The following DLC1 variants were observed in gnomAD, a reference collection of about 807,000 sequenced individuals.
DLC1 encodes rho GTPase-activating protein 7.
Under a neutral mutation model 140.3 loss-of-function variants are expected in DLC1, and 54 were observed. That is an observed-to-expected ratio of 0.38 (90% CI 0.31 to 0.48). DLC1 has a LOEUF of 0.48. DLC1 is among the 20% of genes least tolerant of loss of function. DLC1 has a pLI of 0.96. For synonymous variants in DLC1, 986 were observed against 728.1 expected (o/e 1.35, Z -5.70); for missense variants, 2,536 against 1,907.0 (o/e 1.33, Z -6.14).
chr8:13,388,955 G>A (rs1033859337), intron 4 of DLC1, among the ~76,000 whole-genome samples: 5 of 151,944 alleles, frequency 3.3e-5, no homozygotes, highest in Admixed American at 2.6e-4. Context: ...AACAGCTCAA[G>A]CCAATTTATA....
chr8:13,362,788 C>T (rs1375363655), intron 4 of DLC1, among the ~76,000 whole-genome samples: 1 of 152,166 alleles, frequency 6.6e-6, no homozygotes, highest in African/African-American at 2.4e-5. Context: ...ACTGTCTTTC[C>T]TGTCTCAGGG....
intron 4 of DLC1, among the ~76,000 whole-genome samples, chr8:13,380,787 C>A (rs570532532): frequency 2.3e-4 from 35 of 152,256 alleles, no homozygotes; most frequent in African/African-American, 7.9e-4. Flanking sequence ...GTGAGATAGA[C>A]CAAGCTGCAG....
rs548822992 is a variant in DLC1, at chr8:13,357,740, T to C, written c.1314+35813A>G. Reference sequence around the variant, plus strand: ...CTTGAGAATTACAGTAGTTGAGATATGTTTGCAATAGATATGTTGAACTCT... The same window carrying C: ...CTTGAGAATTACAGTAGTTGAGATACGTTTGCAATAGATATGTTGAACTCT... On this transcript the variant is annotated intron_variant, in intron 4 of 17. Coordinates refer to ENST00000276297, the MANE Select transcript of DLC1 (RefSeq NM_182643.3). 3.9e-4 allele frequency among the ~76,000 whole-genome samples: 59 copies of C among 152,338 alleles called. 1 individual carries two copies. In the South Asian group the frequency reaches 0.011, roughly 29 times the overall value.
chr8:13,096,057 T>C (rs1818475537), intron 10 of DLC1: 1 of 152,194 alleles, frequency 6.6e-6, no homozygotes, highest in Non-Finnish European at 1.5e-5. Context: ...ATGTCATGCA[T>C]TTCAGGCTGT....
intron 1 of DLC1, among the ~76,000 whole-genome samples, chr8:13,601,587 A>G (rs939130606): frequency 4.0e-5 from 6 of 150,882 alleles, no homozygotes; most frequent in Non-Finnish European, 7.4e-5. Flanking sequence ...AAGCTGGGAT[A>G]TGAGATGGTA....
At chr8:13,114,622 T>A (rs1015534689) in intron 6 of DLC1, among the ~76,000 whole-genome samples, 6 of 152,006 alleles carry the variant, frequency 3.9e-5, no homozygotes, top group African/African-American at 1.5e-4. Flanking sequence ...AAATGCCTAA[T>A]TACAAATGGT....
chr8:13,577,198 T>A (rs1025328532), intron 1 of DLC1, among the ~76,000 whole-genome samples: 1 of 152,178 alleles, frequency 6.6e-6, no homozygotes, highest in African/African-American at 2.4e-5. Context: ...ATAATAGGTT[T>A]CACTCCTCAA....
chr8:13,355,419 A>G (rs1300765805), intron 4 of DLC1, among the ~76,000 whole-genome samples: 7 of 152,190 alleles, frequency 4.6e-5, no homozygotes, highest in African/African-American at 1.2e-4. Flanking sequence ...CTACGTGACT[A>G]AAACAACAGA....
At chr8:13,140,423 G>C (rs1424844626) in intron 5 of DLC1, among the ~76,000 whole-genome samples, 2 of 151,956 alleles carry the variant, frequency 1.3e-5, no homozygotes, top group African/African-American at 2.4e-5. Flanking sequence ...TGTAGAGATG[G>C]AGTGTCGTCA....
intron 1 of DLC1, among the ~76,000 whole-genome samples, chr8:13,537,351 C>G (rs1324376517): frequency 1.3e-5 from 2 of 152,210 alleles, no homozygotes; most frequent in Non-Finnish European, 2.9e-5. Context: ...CTTAATCATT[C>G]TAACACATAG....
In DLC1 at chr8:13,098,304, G is replaced by T. The variant is rs1256032280; in HGVS notation, c.3167+95C>A. 3 of 1,405,274 alleles carry T rather than the reference G, an allele frequency of 2.1e-6. No individual in the cohort carries two copies. The Admixed American group carries it at 5.7e-5, about 27-fold the overall frequency. The allele number at this position is 1,405,274 out of a possible 1,614,324, so 87.1% of individuals were successfully genotyped here. A position where few individuals can be genotyped will look rare whatever the true frequency, so the allele number is the denominator to read the frequency against. On this transcript the variant is annotated intron_variant, in intron 10 of 17. Coordinates refer to ENST00000276297, the MANE Select transcript of DLC1 (RefSeq NM_182643.3). ...TGACAGATGAAATATATTAATAAAGGAGAGAAGTGTCATTTTTTACTGTGG... is the reference window on the plus strand; with the variant it reads ...TGACAGATGAAATATATTAATAAAGTAGAGAAGTGTCATTTTTTACTGTGG...
intron 5 of DLC1, among the ~76,000 whole-genome samples, chr8:13,225,917 T>A (rs200760109): frequency 6.6e-6 from 1 of 152,040 alleles, no homozygotes; most frequent in African/African-American, 2.4e-5. Flanking sequence ...GCCTGGCCTA[T>A]TTTTTTATTT....
At chr8:13,347,455 G>T (rs751669799) in intron 4 of DLC1, among the ~76,000 whole-genome samples, 8 of 152,196 alleles carry the variant, frequency 5.3e-5, no homozygotes, top group Non-Finnish European at 8.8e-5. Flanking sequence ...GAGTAGTGGT[G>T]TCGGGGATGG....
intron 5 of DLC1, among the ~76,000 whole-genome samples, chr8:13,262,508 C>T (rs1830506260): frequency 6.6e-6 from 1 of 152,064 alleles, no homozygotes; most frequent in Non-Finnish European, 1.5e-5. Context: ...ATCTCAAATT[C>T]ACCAATATTG....
intron 1 of DLC1, among the ~76,000 whole-genome samples, chr8:13,537,799 G>T (rs747557550): frequency 1.3e-5 from 2 of 151,666 alleles, no homozygotes; most frequent in Non-Finnish European, 2.9e-5. Flanking sequence ...GACTACAGGC[G>T]CCCGCCACCA....
intron 2 of DLC1, among the ~76,000 whole-genome samples, chr8:13,437,151 T>G (rs1204142973): frequency 1.3e-5 from 2 of 152,198 alleles, no homozygotes; most frequent in African/African-American, 2.4e-5. Flanking sequence ...ACGCCATTCC[T>G]ACTGTTTCTC....
intron 5 of DLC1, among the ~76,000 whole-genome samples, chr8:13,154,929 C>G (rs930920040): frequency 6.6e-6 from 1 of 151,992 alleles, no homozygotes; most frequent in Non-Finnish European, 1.5e-5. Context: ...ATTTAAAAAA[C>G]TTATGTTTTT....
intron 5 of DLC1, among the ~76,000 whole-genome samples, chr8:13,169,232 A>C (rs1267234491): frequency 1.3e-5 from 2 of 152,216 alleles, no homozygotes; most frequent in Non-Finnish European, 2.9e-5. Context: ...AACTATGTTC[A>C]GTGAAAGATA....
At chr8:13,262,402 T>A (rs1830502438) in intron 5 of DLC1, among the ~76,000 whole-genome samples, 1 of 152,146 alleles carries the variant, frequency 6.6e-6, no homozygotes, top group Admixed American at 6.5e-5. Context: ...TTTTTTTTTT[T>A]ACGAAGTTTG....
Sources: gnomAD v4.1 joint callset for allele counts (sites outside exome capture counted in the v4.1 genomes callset) on GRCh38, gnomAD v4.1.1 for gene constraint, MANE v1.5 for transcripts, NCBI Gene and HGNC (gene_info 2026-07-23, HGNC 2026-07-21) for gene names.